GCNT2: variants seen among roughly 807,000 people sequenced by gnomAD.
GCNT2 encodes N-acetyllactosaminide beta-1,6-N-acetylglucosaminyl-transferase.
GCNT2 carries 34 observed loss-of-function variants against 34.2 expected under a neutral mutation model. The observed-to-expected ratio is 1.00, with a 90% confidence interval of 0.76 to 1.32. The LOEUF (loss-of-function observed/expected upper bound fraction) is 1.32, where lower values mean the gene tolerates loss of function less well. Ranked by LOEUF, GCNT2 falls within the 40% of genes most tolerant of loss-of-function variation. GCNT2 has a pLI of 0.00. For synonymous variants in GCNT2, 212 were observed against 188.0 expected (o/e 1.13, Z -1.04); for missense variants, 584 against 489.4 (o/e 1.19, Z -1.82).
intron 3 of GCNT2, among the ~76,000 whole-genome samples, chr6:10,548,151 G>C (rs990961941): frequency 3.3e-5 from 5 of 152,224 alleles, no homozygotes; most frequent in African/African-American, 1.2e-4. Context: ...CTTGAGCCTA[G>C]GAGTTTGAGG....
At chr6:10,552,995 C>G (rs985728799) in intron 3 of GCNT2, among the ~76,000 whole-genome samples, 4 of 152,226 alleles carry the variant, frequency 2.6e-5, no homozygotes, top group East Asian at 1.9e-4. Context: ...TTAACAAACT[C>G]TCTCTGAGCC....
intron 3 of GCNT2, among the ~76,000 whole-genome samples, chr6:10,561,240 G>A (rs1185704925): frequency 2.6e-5 from 4 of 152,018 alleles, no homozygotes; most frequent in African/African-American, 4.8e-5. Flanking sequence ...TTGGCTCACC[G>A]CAACCTCCGC....
rs1491129469 is a variant in GCNT2 at position 10,534,139 on chromosome 6, C to CTTTTTTTTTT, written c.925+4304_925+4305insTTTTTTTTTT. Among the ~76,000 whole-genome samples the CTTTTTTTTTT allele has an allele frequency of 2.7e-3, 334 of 123,106 alleles. 34 individuals are homozygous for CTTTTTTTTTT. The highest frequency in any genetic ancestry group is 5.8e-3 in the East Asian group (22 of 3,824). 80.8% of individuals were successfully genotyped at this position (123,106 alleles called of 152,430 possible). A position where few individuals can be genotyped will look rare whatever the true frequency, so the allele number is the denominator to read the frequency against. On this transcript the variant is annotated intron_variant, in intron 3 of 4. Transcript: ENST00000495262. ...CTGGTATCTGCCAGATTCCATGCTGCTCTTTTTTTTTTTTTTTTTTAAGAT... is the reference window on the plus strand; with the variant it reads ...CTGGTATCTGCCAGATTCCATGCTGCTTTTTTTTTTTCTTTTTTTTTTTTTTTTTTAAGAT...
At chr6:10,620,180 G>A (rs2127443975) in intron 3 of GCNT2, among the ~76,000 whole-genome samples, 1 of 152,234 alleles carries the variant, frequency 6.6e-6, no homozygotes, top group Non-Finnish European at 1.5e-5. Context: ...GGAGTGAGTG[G>A]GTGGAGGCCA....
chr6:10,578,886 C>G (rs1763944739), intron 3 of GCNT2, among the ~76,000 whole-genome samples: 1 of 152,094 alleles, frequency 6.6e-6, no homozygotes, highest in South Asian at 2.1e-4. Context: ...TCTGGATTAA[C>G]CACATTGAGG....
intron 3 of GCNT2, among the ~76,000 whole-genome samples, chr6:10,534,063 C>T (rs1761638516): frequency 2.6e-5 from 4 of 151,214 alleles, no homozygotes; most frequent in South Asian, 2.1e-4. Flanking sequence ...CAGCACTTCC[C>T]CTGGTTTATG....
intron 3 of GCNT2, among the ~76,000 whole-genome samples, chr6:10,578,746 C>T (rs954534827): frequency 2.0e-5 from 3 of 152,052 alleles, no homozygotes; most frequent in Admixed American, 6.5e-5. Flanking sequence ...GCGCCCGGCC[C>T]GGAGCTTATA....
chr6:10,545,568 C>T (rs34435732), intron 3 of GCNT2, among the ~76,000 whole-genome samples: 27,908 of 152,150 alleles, frequency 0.18, 2,685 homozygotes, highest in East Asian at 0.25. Flanking sequence ...TTCCTATGAT[C>T]GTTGCAATCC....
intron 4 of GCNT2, among the ~76,000 whole-genome samples, chr6:10,624,987 A>G (rs563261498): frequency 1.4e-4 from 22 of 152,004 alleles, no homozygotes; most frequent in Admixed American, 1.0e-3. Context: ...GTTCACTTCC[A>G]TTTCTTTAAG....
At chr6:10,544,904 C>G (rs922033415) in intron 3 of GCNT2, among the ~76,000 whole-genome samples, 1 of 151,770 alleles carries the variant, frequency 6.6e-6, no homozygotes, top group Admixed American at 6.6e-5. Context: ...GAGATTGTGC[C>G]ACTGCACCCC....
intron 1 of GCNT2, among the ~76,000 whole-genome samples, chr6:10,526,403 A>G (rs1354341098): frequency 2.0e-5 from 3 of 152,156 alleles, no homozygotes; most frequent in African/African-American, 7.2e-5. Flanking sequence ...TGCCGTCTCA[A>G]TGTGTTCGCT....
In GCNT2 at chr6:10,529,698, G is replaced by C; in HGVS notation, c.787G>C (p.Gly263Arg). 1 of 1,613,960 alleles carries C rather than the reference G, an allele frequency of 6.2e-7. No homozygotes were observed. Among genetic ancestry groups the C allele is most frequent in the Non-Finnish European group, 8.5e-7 (1 of 1,179,980 alleles). ...PPPHDMVIYF[G>R]TAYVALTRDF... ...TCCTCATGACATGGTGATTTACTTT[G>C]GCACGGCCTACGTGGCTCTCACAAG... is the stretch of plus-strand genomic sequence containing the variant. The change falls in exon 3 of 5, where the codon GGC becomes CGC. Residue 263 changes from glycine (G) to arginine (R), a missense_variant. Transcript: ENST00000495262.
At chr6:10,539,178 C>CTGTTTTTTTTTT (rs1165356992) in intron 3 of GCNT2, among the ~76,000 whole-genome samples, 1 of 69,456 alleles carries the variant, frequency 1.4e-5, no homozygotes, top group Non-Finnish European at 3.2e-5. Context: ...AGCTCACCGT[C>CTGTTTTTTTTTT]TCTTTTTTTT....
In GCNT2 at chr6:10,529,216, C is replaced by G. The variant is rs77616261; in HGVS notation, c.305C>G (p.Thr102Ser). 15,073 of 1,614,172 alleles carry G rather than the reference C, an allele frequency of 9.3e-3. 119 individuals are homozygous for G. The highest frequency in any genetic ancestry group is 0.019 in the South Asian group (1,730 of 91,086). Reference protein sequence around the residue: ...EAGFPLAYTVTIHKDFGTFER... With the variant: ...EAGFPLAYTVSIHKDFGTFER... ...GGGTTCCCTTTAGCTTACACAGTGACCATCCACAAAGACTTCGGCACTTTT... is the reference window on the plus strand; with the variant it reads ...GGGTTCCCTTTAGCTTACACAGTGAGCATCCACAAAGACTTCGGCACTTTT... Residue 102 changes from threonine to serine, a missense_variant, in exon 3 of 5, where the codon ACC (threonine) becomes AGC (serine). Physicochemically the swap from Thr to Ser is moderately conservative, Grantham distance 58. Coordinates refer to ENST00000495262, the MANE Select transcript of GCNT2 (RefSeq NM_145649.5).
chr6:10,528,560 G>C (rs546690259), intron 2 of GCNT2, 71 bp from the exon 3 acceptor site: 77 of 357,814 alleles, frequency 2.2e-4, no homozygotes, highest in Middle Eastern at 9.2e-4. Flanking sequence ...TCACCCACTT[G>C]TAATTTCATG....
chr6:10,583,073 T>C (rs1436972386), intron 3 of GCNT2, among the ~76,000 whole-genome samples: 2 of 152,290 alleles, frequency 1.3e-5, no homozygotes, highest in Admixed American at 1.3e-4. Flanking sequence ...GGCTCTGGTT[T>C]CTATCCAGCT....
At chr6:10,574,465 A>G (rs1017803030) in intron 3 of GCNT2, among the ~76,000 whole-genome samples, 1 of 152,180 alleles carries the variant, frequency 6.6e-6, no homozygotes, top group Admixed American at 6.5e-5. Context: ...CAGATGGCAC[A>G]TATAAAGGGG....
At chr6:10,586,169 G>C in intron 3 of GCNT2, 3 of 1,614,140 alleles carry the variant, frequency 1.9e-6, no homozygotes, top group Non-Finnish European at 2.5e-6. Flanking sequence ...CAGTCTTTTT[G>C]TGGGAAAATA....
chr6:10,586,421 G>T, intron 3 of GCNT2: 1 of 1,614,170 alleles, frequency 6.2e-7, no homozygotes. Context: ...GGCAGTTACT[G>T]AGTTGCTTCC....
Sources: allele counts gnomAD v4.1 joint callset (sites outside exome capture counted in the v4.1 genomes callset), GRCh38; gene constraint gnomAD v4.1.1; transcripts MANE v1.5; gene names NCBI Gene and HGNC (gene_info 2026-07-23, HGNC 2026-07-21).